Variants in CNTNAP5 observed in about 807,000 individuals in gnomAD.
CNTNAP5 encodes contactin associated protein family member 5, also known as contactin-associated protein-like 5.
In CNTNAP5, 72 loss-of-function variants were observed where a neutral mutation model predicts 150.2. The ratio of observed to expected loss-of-function variants is 0.48; its 90% confidence interval spans 0.40 to 0.58. The LOEUF (loss-of-function observed/expected upper bound fraction) is 0.58. Among genes scored for constraint, CNTNAP5 ranks in the 20% least tolerant of loss-of-function variants. The probability of loss-of-function intolerance (pLI) is 0.00; values close to 1 mark genes in which losing one functional copy is unlikely to be tolerated. For missense variants in CNTNAP5, 1,636 were observed against 1,626.2 expected (o/e 1.01, Z -0.10); for synonymous variants, 672 against 619.8 (o/e 1.08, Z -1.25).
chr2:124,291,215 CAG>C (rs1688281835), intron 3 of CNTNAP5, among the ~76,000 whole-genome samples: 1 of 152,062 alleles, frequency 6.6e-6, no homozygotes, highest in Non-Finnish European at 1.5e-5. Context: ...GATATCTCCA[CAG>C]ATAGATTCTA....
In CNTNAP5 at chr2:124,561,530, TTTTG is replaced by T. The variant is rs375511010; in HGVS notation, c.1650-1670_1650-1667del. 7.1e-3 allele frequency among the ~76,000 whole-genome samples: 1,083 copies of T among 152,208 alleles called. 7 individuals are homozygous for T. Among genetic ancestry groups the T allele is most frequent in the Middle Eastern group, 0.014 (4 of 294 alleles). ...AATTTGAACAGAGAGAGGACCACTT[TTTTG>T]TTTGTTTGTTTGTTTGGTTGTTTTG... On this transcript the variant is annotated intron_variant, in intron 10 of 23. Transcript: ENST00000682447.
intron 1 of CNTNAP5, among the ~76,000 whole-genome samples, chr2:124,175,864 T>G (rs1247934843): frequency 6.6e-6 from 1 of 152,224 alleles, no homozygotes; most frequent in Non-Finnish European, 1.5e-5. Flanking sequence ...CTAGGTTGAT[T>G]TCATGTCTTT....
chr2:124,222,130 T>C (rs1204019392), intron 2 of CNTNAP5, among the ~76,000 whole-genome samples: 1 of 152,124 alleles, frequency 6.6e-6, no homozygotes, highest in African/African-American at 2.4e-5. Context: ...ATAAAACATG[T>C]TTTATAATAA....
intron 5 of CNTNAP5, among the ~76,000 whole-genome samples, chr2:124,444,077 A>G (rs753455558): frequency 3.9e-5 from 6 of 152,062 alleles, no homozygotes; most frequent in Non-Finnish European, 8.8e-5. Flanking sequence ...CATTTTATAC[A>G]TAAAAACTGT....
chr2:124,345,477 A>G (rs1336501688), intron 3 of CNTNAP5, among the ~76,000 whole-genome samples: 2 of 152,168 alleles, frequency 1.3e-5, no homozygotes, highest in Non-Finnish European at 2.9e-5. Context: ...TGGGGGAGGA[A>G]TTACACAGCA....
At chr2:124,340,851 A>G (rs1689595551) in intron 3 of CNTNAP5, among the ~76,000 whole-genome samples, 1 of 148,308 alleles carries the variant, frequency 6.7e-6, no homozygotes, top group Non-Finnish European at 1.5e-5. Context: ...GTATATATGT[A>G]CACACACACT....
At chr2:124,408,095 C>A (rs938243971) in intron 3 of CNTNAP5, among the ~76,000 whole-genome samples, 7 of 152,196 alleles carry the variant, frequency 4.6e-5, no homozygotes, top group Non-Finnish European at 1.0e-4. Context: ...CAGGGAGTTC[C>A]CTTTCCGAGT....
chr2:124,217,303 C>G (rs1021875348), intron 1 of CNTNAP5, among the ~76,000 whole-genome samples: 3 of 152,132 alleles, frequency 2.0e-5, no homozygotes, highest in Non-Finnish European at 4.4e-5. Flanking sequence ...ACATTAAACA[C>G]TAATGAATAT....
chr2:124,758,595 A>G (rs183959863), intron 14 of CNTNAP5, among the ~76,000 whole-genome samples: 104 of 152,210 alleles, frequency 6.8e-4, no homozygotes, highest in African/African-American at 2.1e-3. Flanking sequence ...AAAAAGGCCA[A>G]TTGTCGTAGG....
intron 10 of CNTNAP5, among the ~76,000 whole-genome samples, chr2:124,538,598 G>A (rs754895185): frequency 1.4e-5 from 2 of 146,514 alleles, no homozygotes; most frequent in African/African-American, 5.0e-5. Flanking sequence ...AGAAAGAAAG[G>A]AAGGAAGAAA....
chr2:124,361,137 C>G (rs964659413), intron 3 of CNTNAP5, among the ~76,000 whole-genome samples: 1 of 147,806 alleles, frequency 6.8e-6, no homozygotes, highest in East Asian at 2.0e-4. Context: ...ATGTAGTTCT[C>G]GAGCCTTGGG....
At chr2:124,586,573 T>C (rs928501683) in intron 11 of CNTNAP5, among the ~76,000 whole-genome samples, 6 of 152,242 alleles carry the variant, frequency 3.9e-5, no homozygotes, top group Non-Finnish European at 5.9e-5. Context: ...ATTTAAACTT[T>C]CACCTCTTTA....
chr2:124,712,507 G>A (rs1007030205), intron 13 of CNTNAP5, among the ~76,000 whole-genome samples: 4 of 152,206 alleles, frequency 2.6e-5, no homozygotes, highest in African/African-American at 9.6e-5. Context: ...CATGACAGAA[G>A]TATGTGGAGA....
chr2:124,380,700 C>G (rs1423655761), intron 3 of CNTNAP5, among the ~76,000 whole-genome samples: 1 of 152,132 alleles, frequency 6.6e-6, no homozygotes, highest in Non-Finnish European at 1.5e-5. Flanking sequence ...TACCTCCACT[C>G]TCTTTTGAAG....
chr2:124,094,876 C>T (rs71428136), intron 1 of CNTNAP5, among the ~76,000 whole-genome samples: 19,753 of 152,066 alleles, frequency 0.13, 1,371 homozygotes, highest in Middle Eastern at 0.23. Context: ...CAGTGTGAGA[C>T]TATGGAACAG....
intron 12 of CNTNAP5, among the ~76,000 whole-genome samples, chr2:124,642,619 C>A (rs1678117485): frequency 6.6e-6 from 1 of 152,150 alleles, no homozygotes; most frequent in Non-Finnish European, 1.5e-5. Flanking sequence ...CCAGACAGAT[C>A]TCTGGAAAGC....
rs1320470437 is a variant in CNTNAP5, at chr2:124,434,822, A to C, written c.733+135A>C. On this transcript the variant is annotated intron_variant, in intron 5 of 23. Transcript: ENST00000682447. ...TATAAGTGATATTGGTGGGGATAGA[A>C]ATGTTTAAGGCATGTATAGCATTCT... 4.1e-6 allele frequency: 3 copies of C among 733,420 alleles called. No individual in the cohort carries two copies. In the East Asian group the frequency reaches 8.1e-5, roughly 20 times the overall value. 45.4% of individuals were successfully genotyped at this position (733,420 alleles called of 1,614,324 possible). A position where few individuals can be genotyped will look rare whatever the true frequency, so the allele number is the denominator to read the frequency against.
At chr2:124,499,540 G>A (rs1694230356) in intron 7 of CNTNAP5, among the ~76,000 whole-genome samples, 1 of 152,196 alleles carries the variant, frequency 6.6e-6, no homozygotes, top group African/African-American at 2.4e-5. Context: ...TTTGCTTTTA[G>A]TGTGTCTCTT....
intron 11 of CNTNAP5, among the ~76,000 whole-genome samples, chr2:124,584,709 A>G (rs1192037517): frequency 6.6e-6 from 1 of 152,238 alleles, no homozygotes; most frequent in African/African-American, 2.4e-5. Context: ...CGTTAAAACA[A>G]TGACAGTGAA....
Sources: allele counts gnomAD v4.1 joint callset (sites outside exome capture counted in the v4.1 genomes callset), GRCh38; gene constraint gnomAD v4.1.1; transcripts MANE v1.5; gene names NCBI Gene and HGNC (gene_info 2026-07-23, HGNC 2026-07-21).